Variants in NBAS observed in about 807,000 individuals in gnomAD.
NBAS encodes the protein NAG/BC035112 fusion.
Under a neutral mutation model 302.5 loss-of-function variants are expected in NBAS, and 219 were observed. The ratio of observed to expected loss-of-function variants is 0.72; its 90% CI spans 0.65 to 0.81. The LOEUF is 0.81. NBAS is among the 30% of genes least tolerant of loss of function. The pLI, the probability that NBAS is intolerant of heterozygous loss-of-function variation, is 0.00. For missense variants in NBAS, 2,932 were observed against 2,841.6 expected, an observed-to-expected ratio of 1.03 and a Z score of -0.72; for synonymous variants, 1,118 against 1,021.6, an observed-to-expected ratio of 1.09 and a Z score of -1.80.
At chr2:15,131,124 T>A in the NBAS span, among the ~76,000 whole-genome samples, 8 of 152,190 alleles carry the variant, frequency 5.3e-5, no homozygotes, top group Non-Finnish European at 1.2e-4. Context: ...CTCTAATTAA[T>A]CTCTGGATTC....
chr2:15,034,274 AAGAGAGAAAG>A, the NBAS span, among the ~76,000 whole-genome samples: 1 of 105,684 alleles, frequency 9.5e-6, no homozygotes. Flanking sequence ...GAAAGAAAGA[AAGAGAGAAAG>A]AAAGAAAGAA....
At chr2:15,178,261 A>G in intron 51 of NBAS, 1 of 431,504 alleles carries the variant, frequency 2.3e-6, no homozygotes, top group Non-Finnish European at 4.7e-6. Context: ...GTGTATGTGT[A>G]TAGTGTACAT....
chr2:15,184,222 A>C (rs13403355), intron 50 of NBAS, among the ~76,000 whole-genome samples: 1,669 of 152,244 alleles, frequency 0.011, 41 homozygotes, highest in African/African-American at 0.038. Flanking sequence ...TGGTCCCTAT[A>C]GGTCGTTTTG....
chr2:15,158,191 C>A, the NBAS span, among the ~76,000 whole-genome samples: 1 of 152,202 alleles, frequency 6.6e-6, no homozygotes, highest in African/African-American at 2.4e-5. Flanking sequence ...CTGATAAATT[C>A]TCTGGCCCCT....
chr2:15,509,223 C>T (rs147315671), intron 10 of NBAS, among the ~76,000 whole-genome samples: 46 of 152,090 alleles, frequency 3.0e-4, no homozygotes, highest in Middle Eastern at 3.4e-3. Context: ...CATGGGGTGG[C>T]GGGTGCAGAA....
chr2:15,075,049 T>A, the NBAS span, among the ~76,000 whole-genome samples: 8 of 152,236 alleles, frequency 5.3e-5, no homozygotes, highest in Non-Finnish European at 1.5e-5. Context: ...TCGGCAATTC[T>A]ACTTTAAGCA....
chr2:15,420,365 G>A (rs1395667046), intron 23 of NBAS, among the ~76,000 whole-genome samples: 2 of 152,212 alleles, frequency 1.3e-5, no homozygotes, highest in South Asian at 4.1e-4. Flanking sequence ...GGTCTCAGCA[G>A]GGCGGTGGGA....
At chr2:15,152,601 T>A in the NBAS span, among the ~76,000 whole-genome samples, 2 of 152,252 alleles carry the variant, frequency 1.3e-5, no homozygotes, top group African/African-American at 4.8e-5. Context: ...TCAGCCTGTG[T>A]CGGCATCCCA....
At chr2:14,959,659 C>A in the NBAS span, among the ~76,000 whole-genome samples, 1 of 152,198 alleles carries the variant, frequency 6.6e-6, no homozygotes, top group Non-Finnish European at 1.5e-5. Flanking sequence ...ATTTGAAATT[C>A]TGTCAAGATA....
chr2:15,195,677 C>T (rs1014479870), intron 48 of NBAS, among the ~76,000 whole-genome samples: 1 of 152,158 alleles, frequency 6.6e-6, no homozygotes, highest in Non-Finnish European at 1.5e-5. Context: ...CAGGGAAAGG[C>T]AGTCTCCCAA....
intron 38 of NBAS, among the ~76,000 whole-genome samples, chr2:15,326,451 A>C (rs188578957): frequency 9.2e-5 from 14 of 152,342 alleles, no homozygotes; most frequent in Admixed American, 5.2e-4. Flanking sequence ...CATCCAACCT[A>C]GTATTTTCTT....
the NBAS span, among the ~76,000 whole-genome samples, chr2:15,084,002 C>T: frequency 2.6e-5 from 4 of 151,126 alleles, no homozygotes; most frequent in African/African-American, 7.3e-5. Context: ...CATTTAGCAT[C>T]GTAAATAGTA....
the NBAS span, among the ~76,000 whole-genome samples, chr2:14,823,779 T>C: frequency 0.017 from 2,637 of 152,350 alleles, 92 homozygotes; most frequent in African/African-American, 0.059. Flanking sequence ...TTAGTTACCA[T>C]ATCAACCACC....
chr2:15,425,318 A>G (rs1677416557), intron 22 of NBAS, among the ~76,000 whole-genome samples: 1 of 152,220 alleles, frequency 6.6e-6, no homozygotes, highest in Non-Finnish European at 1.5e-5. Context: ...TCAGAATAGA[A>G]TCAGACATAC....
rs144032168 is a variant in NBAS at position 15,497,715 on chromosome 2, C to T, written c.954+6430G>A. ...ATGCCAGTTTAGGACTTCTTGGGAT[C>T]TGAAAGGTATTGAAAATCTGAAAAT... is the stretch of plus-strand genomic sequence containing the variant. On this transcript the variant is annotated intron_variant, in intron 11 of 51. Transcript: ENST00000281513. Among the ~76,000 whole-genome samples, 314 of 152,106 alleles carry T rather than the reference C, an allele frequency of 2.1e-3. 3 individuals are homozygous for T. The highest frequency in any genetic ancestry group is 7.3e-3 in the African/African-American group (302 of 41,492).
intron 32 of NBAS, among the ~76,000 whole-genome samples, chr2:15,364,083 A>C (rs1246113983): frequency 6.6e-6 from 1 of 152,214 alleles, no homozygotes; most frequent in African/African-American, 2.4e-5. Flanking sequence ...AGCCATGTGA[A>C]TGAGCCCTCT....
At chr2:14,899,227 C>G in the NBAS span, among the ~76,000 whole-genome samples, 11 of 152,188 alleles carry the variant, frequency 7.2e-5, no homozygotes, top group African/African-American at 2.7e-4. Flanking sequence ...GTCCCAGGCC[C>G]AGCCCAGACA....
chr2:15,465,799 G>A (rs1285743229), intron 19 of NBAS, among the ~76,000 whole-genome samples: 1 of 151,962 alleles, frequency 6.6e-6, no homozygotes, highest in Non-Finnish European at 1.5e-5. Flanking sequence ...ATAGGGAATA[G>A]CAATTTAAAA....
At chr2:14,988,162 G>GA in the NBAS span, among the ~76,000 whole-genome samples, 1 of 152,070 alleles carries the variant, frequency 6.6e-6, no homozygotes. Context: ...AAAATAAGGT[G>GA]AAAAAACAGG....
Sources: gnomAD v4.1 joint callset for allele counts (sites outside exome capture counted in the v4.1 genomes callset) on GRCh38, gnomAD v4.1.1 for gene constraint, MANE v1.5 for transcripts, NCBI Gene and HGNC (gene_info 2026-07-23, HGNC 2026-07-21) for gene names.